TULP4: variants seen among roughly 807,000 people sequenced by gnomAD.
TULP4 encodes TUB like protein 4, also known as tubby-related protein 4.
In TULP4, 16 loss-of-function variants were observed where a neutral mutation model predicts 129.0. The ratio of observed to expected loss-of-function variants is 0.12; its 90% confidence interval spans 0.08 to 0.19. TULP4 has a LOEUF of 0.19. Among genes scored for constraint, TULP4 ranks in the 10% least tolerant of loss-of-function variants. The pLI is 1.00. For synonymous variants in TULP4, 998 were observed against 854.0 expected (o/e 1.17, Z -2.94); for missense variants, 1,842 against 2,059.1 (o/e 0.89, Z 2.04).
At chr6:158,371,466 T>C (rs1265112203) in intron 1 of TULP4, among the ~76,000 whole-genome samples, 5 of 152,198 alleles carry the variant, frequency 3.3e-5, no homozygotes, top group African/African-American at 1.2e-4. Flanking sequence ...GTGATATCAG[T>C]TAAATATTAG....
chr6:158,367,741 G>A (rs1776953751), intron 1 of TULP4, among the ~76,000 whole-genome samples: 2 of 152,040 alleles, frequency 1.3e-5, no homozygotes, highest in Non-Finnish European at 2.9e-5. Flanking sequence ...AACTTTCTAA[G>A]TAGAAGAAAG....
At chr6:158,351,463 G>T (rs1441294259) in intron 1 of TULP4, among the ~76,000 whole-genome samples, 2 of 152,166 alleles carry the variant, frequency 1.3e-5, no homozygotes, top group African/African-American at 4.8e-5. Context: ...AATAAGGCTT[G>T]TTGTTAAATT....
intron 3 of TULP4, among the ~76,000 whole-genome samples, chr6:158,436,287 C>T (rs1285049854): frequency 6.6e-6 from 1 of 152,128 alleles, no homozygotes; most frequent in East Asian, 1.9e-4. Flanking sequence ...CTATCTGAGA[C>T]TATTTATTTA....
chr6:158,482,059 A>T (rs1240473008), intron 8 of TULP4, among the ~76,000 whole-genome samples: 2 of 152,174 alleles, frequency 1.3e-5, no homozygotes, highest in African/African-American at 4.8e-5. Flanking sequence ...TGTGCTCCAG[A>T]CGCTGCCCCG....
chr6:158,482,369 C>G (rs1779967634), intron 8 of TULP4, among the ~76,000 whole-genome samples: 1 of 152,202 alleles, frequency 6.6e-6, no homozygotes, highest in African/African-American at 2.4e-5. Context: ...GGCAGTGACA[C>G]TCTACTACCC....
At chr6:158,405,004 GGA>G (rs1265609997) in intron 1 of TULP4, among the ~76,000 whole-genome samples, 2 of 152,112 alleles carry the variant, frequency 1.3e-5, no homozygotes, top group African/African-American at 2.4e-5. Flanking sequence ...AAAAGTCTAT[GGA>G]GAGAGTTTAA....
intron 8 of TULP4, among the ~76,000 whole-genome samples, chr6:158,484,845 C>T (rs898746438): frequency 3.9e-5 from 6 of 152,250 alleles, no homozygotes; most frequent in African/African-American, 1.4e-4. Flanking sequence ...TGCGTACACA[C>T]GTGCTCTTGC....
chr6:158,363,734 C>G (rs187636081), intron 1 of TULP4, among the ~76,000 whole-genome samples: 2,993 of 152,284 alleles, frequency 0.02, 51 homozygotes, highest in Middle Eastern at 0.037. Flanking sequence ...GATCCACCCC[C>G]CCGGCCTCCC....
chr6:158,358,063 T>G (rs1327597991), intron 1 of TULP4, among the ~76,000 whole-genome samples: 1 of 152,154 alleles, frequency 6.6e-6, no homozygotes, highest in African/African-American at 2.4e-5. Context: ...CTCTGAACAT[T>G]TTAAAGCAGC....
intron 1 of TULP4, among the ~76,000 whole-genome samples, chr6:158,232,483 G>A (rs1474710338): frequency 6.6e-6 from 1 of 150,846 alleles, no homozygotes; most frequent in Non-Finnish European, 1.5e-5. Context: ...AGTCTTGGGA[G>A]GGGGCGGCGC....
intron 1 of TULP4, among the ~76,000 whole-genome samples, chr6:158,257,341 G>T (rs1778266828): frequency 6.6e-6 from 1 of 152,182 alleles, no homozygotes; most frequent in African/African-American, 2.4e-5. Flanking sequence ...TACACTGCCT[G>T]TGGTGTGTTT....
At chr6:158,438,142 A>G (rs1272401544) in intron 3 of TULP4, 1 of 152,230 alleles carries the variant, frequency 6.6e-6, no homozygotes, top group Non-Finnish European at 1.5e-5. Context: ...TATAATTTTT[A>G]AATTTGATTA....
chr6:158,492,531 CAG>C (rs1320701813), intron 9 of TULP4, among the ~76,000 whole-genome samples: 1 of 152,158 alleles, frequency 6.6e-6, no homozygotes, highest in Admixed American at 6.5e-5. Flanking sequence ...ATTATGTAAG[CAG>C]AGAGGACATC....
At chr6:158,271,219 C>G (rs1458506954) in intron 1 of TULP4, among the ~76,000 whole-genome samples, 2 of 150,960 alleles carry the variant, frequency 1.3e-5, no homozygotes, top group Admixed American at 1.3e-4. Flanking sequence ...TTAGTCACTG[C>G]TCTGTTGAGT....
chr6:158,283,203 C>T (rs921413032), intron 1 of TULP4, among the ~76,000 whole-genome samples: 8 of 152,020 alleles, frequency 5.3e-5, no homozygotes, highest in South Asian at 2.1e-4. Context: ...GATACAGTGC[C>T]GCCACCATGG....
rs200671698 is a variant in TULP4, at chr6:158,501,957, G to T, written c.2294G>T (p.Arg765Leu). 1 of 1,613,758 alleles carries T rather than the reference G, an allele frequency of 6.2e-7. No individual in the cohort carries two copies. The highest frequency in any genetic ancestry group is 1.3e-5 in the African/African-American group (1 of 74,880). ...QVIFGSVEMG[R>L]IIQNPPPLSL... ...ATTTTCGGAAGCGTGGAAATGGGCC[G>T]CATCATTCAGAACCCCCCTCCACTG... The change falls in exon 13 of 14, where the codon CGC becomes CTC. Residue 765 changes from arginine to leucine, a missense_variant. By Grantham distance (102) the Arg-to-Leu change is moderately radical. This residue lies in a region of TULP4 where 1,089 missense variants were observed against 987.1 expected (regional missense o/e 1.10). Coordinates refer to ENST00000367097, the MANE Select transcript of TULP4 (RefSeq NM_020245.5).
intron 1 of TULP4, among the ~76,000 whole-genome samples, chr6:158,325,352 TTTC>T (rs1184769145): frequency 5.0e-5 from 3 of 60,230 alleles, no homozygotes; most frequent in African/African-American, 1.4e-4. Context: ...AGGAACAGCT[TTTC>T]TTTTTTTTTT....
intron 1 of TULP4, among the ~76,000 whole-genome samples, chr6:158,333,052 G>T (rs527481799): frequency 6.6e-6 from 1 of 152,104 alleles, no homozygotes; most frequent in Admixed American, 6.5e-5. Flanking sequence ...TTTCGTTTTT[G>T]TAATCCCTTC....
intron 1 of TULP4, among the ~76,000 whole-genome samples, chr6:158,286,762 T>C (rs975886563): frequency 6.6e-6 from 1 of 152,228 alleles, no homozygotes; most frequent in African/African-American, 2.4e-5. Context: ...AAGACTGCAG[T>C]GTTTTAGATG....
Sources: gnomAD v4.1 joint callset for allele counts (sites outside exome capture counted in the v4.1 genomes callset) on GRCh38, gnomAD v4.1.1 for gene constraint, gnomAD v4.1.1 regional missense constraint, MANE v1.5 for transcripts, NCBI Gene and HGNC (gene_info 2026-07-23, HGNC 2026-07-21) for gene names.